Variants in CDKL5 observed in about 807,000 individuals in gnomAD.
CDKL5 encodes cyclin-dependent kinase-like 5.
Under a neutral mutation model 61.7 loss-of-function variants are expected in CDKL5, and 8 were observed. The observed-to-expected ratio is 0.13, with a 90% CI of 0.08 to 0.23. The LOEUF is 0.23. Among genes scored for constraint, CDKL5 ranks in the 10% least tolerant of loss-of-function variants. The pLI, the probability that CDKL5 is intolerant of heterozygous loss-of-function variation, is 1.00. For missense variants in CDKL5, 440 were observed against 734.5 expected, an observed-to-expected ratio of 0.60 and a Z score of 4.63; for synonymous variants, 275 against 272.3, an observed-to-expected ratio of 1.01 and a Z score of -0.10.
At chrX:18,462,631 G>T (rs1932314961) in intron 1 of CDKL5, among the ~76,000 whole-genome samples, 1 of 111,983 alleles carries the variant, frequency 8.9e-6, no homozygotes, top group Admixed American at 9.5e-5. Context: ...GTGAGTATAT[G>T]GGGCTGGGGA....
intron 3 of CDKL5, among the ~76,000 whole-genome samples, chrX:18,522,536 G>T (rs142328374): frequency 9.4e-6 from 1 of 106,314 alleles, no homozygotes. Flanking sequence ...GTAGAGACAG[G>T]GTTTTGCCAT....
chrX:18,590,554 A>AC (rs1925795022), intron 9 of CDKL5, among the ~76,000 whole-genome samples: 1 of 112,006 alleles, frequency 8.9e-6, no homozygotes, highest in Admixed American at 9.5e-5. Flanking sequence ...AAATGAATGG[A>AC]CAGAGGCATG....
At chrX:18,465,897 T>G (rs891936427) in intron 1 of CDKL5, among the ~76,000 whole-genome samples, 1 of 112,132 alleles carries the variant, frequency 8.9e-6, no homozygotes, top group Non-Finnish European at 1.9e-5. Flanking sequence ...TTCCACTTTT[T>G]ATTTCTAGGA....
At chrX:18,508,522 G>A (rs1922668348) in intron 2 of CDKL5, among the ~76,000 whole-genome samples, 2 of 111,321 alleles carry the variant, frequency 1.8e-5, no homozygotes, top group Non-Finnish European at 3.8e-5. Context: ...AGAGACCAAT[G>A]CAATAAAGCT....
chrX:18,586,144 C>T (rs930957960), intron 8 of CDKL5, among the ~76,000 whole-genome samples: 4 of 111,408 alleles, frequency 3.6e-5, no homozygotes, highest in Non-Finnish European at 5.7e-5. Context: ...TGCTTAGTCA[C>T]TTTATTATCT....
intron 3 of CDKL5, among the ~76,000 whole-genome samples, chrX:18,548,717 C>G (rs2147120677): frequency 8.9e-6 from 1 of 111,914 alleles, no homozygotes; most frequent in East Asian, 2.8e-4. Flanking sequence ...TTCTATACGT[C>G]ACAGTCTTTC....
chrX:18,630,948 A>G lies in CDKL5; in HGVS notation c.*2191A>G, dbSNP rs1463955891. On this transcript the variant is annotated 3_prime_UTR_variant, in exon 18 of 18. Transcript: ENST00000623535. ...GTATTTAACTCTTCTTTTTCATACTAGATCTCTACCTTGTATTCCCCCCTT... is the reference window on the plus strand; with the variant it reads ...GTATTTAACTCTTCTTTTTCATACTGGATCTCTACCTTGTATTCCCCCCTT... The G allele has an allele frequency of 4.0e-6, 3 of 742,988 alleles. No individual in the cohort carries two copies. The highest frequency in any genetic ancestry group is 1.6e-4 in the East Asian group (1 of 6,335). The allele number at this position is 742,988 out of a possible 1,213,427, so 61.2% of individuals were successfully genotyped here.
intron 3 of CDKL5, among the ~76,000 whole-genome samples, chrX:18,525,670 T>C (rs1330127331): frequency 9.0e-6 from 1 of 110,564 alleles, no homozygotes; most frequent in African/African-American, 3.3e-5. Flanking sequence ...GAATAGCTTC[T>C]GGGGATTTGG....
At chrX:18,559,116 G>T (rs1924703088) in intron 3 of CDKL5, among the ~76,000 whole-genome samples, 1 of 112,844 alleles carries the variant, frequency 8.9e-6, no homozygotes, top group Non-Finnish European at 1.9e-5. Context: ...TCAGGCTGGG[G>T]TGCATCAGTT....
At chrX:18,596,199 T>C (rs777721804) in intron 10 of CDKL5, among the ~76,000 whole-genome samples, 101 of 111,650 alleles carry the variant, frequency 9.0e-4, no homozygotes, top group Non-Finnish European at 1.6e-3. Flanking sequence ...GAGGTTACAC[T>C]GTGCATAGAG....
At chrX:18,492,866 T>TA (rs1292557242) in intron 1 of CDKL5, among the ~76,000 whole-genome samples, 2 of 111,791 alleles carry the variant, frequency 1.8e-5, no homozygotes, top group Non-Finnish European at 3.8e-5. Context: ...CAGATTGTCA[T>TA]ACCACTCCCT....
At chrX:18,453,349 CT>C (rs1427743281) in intron 1 of CDKL5, among the ~76,000 whole-genome samples, 3 of 111,635 alleles carry the variant, frequency 2.7e-5, no homozygotes, top group Non-Finnish European at 5.6e-5. Flanking sequence ...TGCCTTTTGT[CT>C]TGATAAGTTA....
chrX:18,564,369 A>C (rs1924894697), intron 3 of CDKL5, 108 bp from the exon 4 acceptor site: 2 of 434,299 alleles, frequency 4.6e-6, no homozygotes, highest in East Asian at 8.7e-5. Context: ...TATTTTTAAC[A>C]CTCTGGCTTC....
In CDKL5 at chrX:18,564,518, T is replaced by G; in HGVS notation, c.141T>G (p.Ser47Arg). 1.1e-6 allele frequency: 1 copy of G among 940,571 alleles called. No homozygotes were observed. The highest frequency in any genetic ancestry group is 1.5e-6 in the Non-Finnish European group (1 of 665,617). The allele number at this position is 940,571 out of a possible 1,213,427, so 77.5% of individuals were successfully genotyped here. ...TGGCGATCAAGAAATTCAAGGACAG[T>G]GAAGGTAGATATATATATATATATA... ...EIVAIKKFKD[S>R]EENEEVKETT... Residue 47 changes from serine to arginine, a missense_variant, in exon 4 of 18, where the codon AGT becomes AGG. Ser to Arg is a moderately radical substitution (Grantham distance 110). Coordinates refer to ENST00000623535, the MANE Select transcript of CDKL5 (RefSeq NM_001323289.2).
chrX:18,593,678 T>C (rs1382819919), intron 9 of CDKL5, among the ~76,000 whole-genome samples: 1 of 112,028 alleles, frequency 8.9e-6, no homozygotes, highest in Non-Finnish European at 1.9e-5. Flanking sequence ...TATTTGAACT[T>C]TCTGATTGTC....
chrX:18,499,147 G>A (rs1459611905), intron 1 of CDKL5, among the ~76,000 whole-genome samples: 1 of 111,522 alleles, frequency 9.0e-6, no homozygotes. Context: ...TGCTTGGAGA[G>A]GAGAAAAAGA....
At chrX:18,507,368 A>G (rs757946177) in intron 2 of CDKL5, among the ~76,000 whole-genome samples, 2 of 110,965 alleles carry the variant, frequency 1.8e-5, no homozygotes, top group Admixed American at 9.7e-5. Flanking sequence ...AAAACCCTTT[A>G]AAGTTTAATA....
At chrX:18,476,806 C>A (rs939803334) in intron 1 of CDKL5, among the ~76,000 whole-genome samples, 1 of 111,054 alleles carries the variant, frequency 9.0e-6, no homozygotes, top group Non-Finnish European at 1.9e-5. Flanking sequence ...CTCGCTCTGT[C>A]GCCATGCTGG....
At chrX:18,516,428 T>G (rs984195631) in intron 3 of CDKL5, among the ~76,000 whole-genome samples, 1 of 111,150 alleles carries the variant, frequency 9.0e-6, no homozygotes, top group South Asian at 3.8e-4. Flanking sequence ...TCCAATTAAT[T>G]GTAGAACAGT....
Sources: allele counts gnomAD v4.1 joint callset (sites outside exome capture counted in the v4.1 genomes callset), GRCh38; gene constraint gnomAD v4.1.1; transcripts MANE v1.5; gene names NCBI Gene and HGNC (gene_info 2026-07-23, HGNC 2026-07-21).